The following NELL1 variants were observed in gnomAD, a reference collection of about 807,000 sequenced individuals.
The protein encoded by NELL1 is protein kinase C-binding protein NELL1.
Under a neutral mutation model 107.4 loss-of-function variants are expected in NELL1, and 76 were observed. The observed-to-expected ratio is 0.71, with a 90% CI of 0.59 to 0.86. NELL1 has a LOEUF of 0.86. Among genes scored for constraint, NELL1 ranks in the 40% least tolerant of loss-of-function variants. The pLI is 0.00. For missense variants in NELL1, 1,024 were observed against 1,005.5 expected (o/e 1.02, Z -0.25); for synonymous variants, 353 against 341.2 (o/e 1.03, Z -0.38).
Position 21,534,477 on chromosome 11 carries a change from C to T in NELL1, c.1749C>T (p.Asp583=), listed in dbSNP as rs758011669. 20 of 1,613,712 alleles carry T rather than the reference C, an allele frequency of 1.2e-5. No individual in the cohort carries two copies. In the South Asian group the frequency reaches 1.6e-4, roughly 13 times the overall value. The change falls in exon 16 of 20, where the codon GAC becomes GAT. Residue 583 remains aspartate, a synonymous_variant. Transcript: ENST00000357134. ...YHCECRSGFH[D]DGTYSLSGES... ...GTGAGTGCAGAAGCGGTTTCCATGA[C>T]GATGGGACCTATTCACTGTCCGGGG...
At chr11:21,147,992 G>C (rs894876041) in intron 13 of NELL1, among the ~76,000 whole-genome samples, 1 of 152,042 alleles carries the variant, frequency 6.6e-6, no homozygotes, top group Admixed American at 6.6e-5. Flanking sequence ...TCAAGTTAAG[G>C]CCTCTACTGA....
chr11:21,094,963 A>G (rs1590630369), intron 12 of NELL1, among the ~76,000 whole-genome samples: 1 of 152,340 alleles, frequency 6.6e-6, no homozygotes, highest in Middle Eastern at 3.4e-3. Flanking sequence ...TTCTCTTCAG[A>G]AAATGGGTTT....
chr11:21,418,979 T>C (rs1590917744), intron 15 of NELL1, among the ~76,000 whole-genome samples: 1 of 152,042 alleles, frequency 6.6e-6, no homozygotes, highest in Non-Finnish European at 1.5e-5. Context: ...AGCCTAAAAT[T>C]ATCGATGCAT....
At chr11:20,717,005 A>G (rs189365690) in intron 2 of NELL1, among the ~76,000 whole-genome samples, 19 of 152,330 alleles carry the variant, frequency 1.2e-4, no homozygotes, top group Non-Finnish European at 2.4e-4. Context: ...ACTACTGCAT[A>G]ATACCACAAT....
At chr11:21,259,493 T>C (rs770133027) in intron 14 of NELL1, among the ~76,000 whole-genome samples, 1 of 151,816 alleles carries the variant, frequency 6.6e-6, no homozygotes, top group Non-Finnish European at 1.5e-5. Flanking sequence ...CAGGATATCA[T>C]GTGATGGTGC....
At chr11:20,829,451 T>A (rs1344981154) in intron 3 of NELL1, among the ~76,000 whole-genome samples, 1 of 151,968 alleles carries the variant, frequency 6.6e-6, no homozygotes, top group Non-Finnish European at 1.5e-5. Flanking sequence ...TGGTCTCCAA[T>A]GCCTGACCTC....
intron 14 of NELL1, among the ~76,000 whole-genome samples, chr11:21,258,568 G>T (rs1235300503): frequency 1.3e-5 from 2 of 151,856 alleles, no homozygotes; most frequent in Non-Finnish European, 2.9e-5. Context: ...TTTCTTATTT[G>T]TAGGAAGGTT....
intron 4 of NELL1, among the ~76,000 whole-genome samples, chr11:20,864,461 T>G (rs1372228818): frequency 6.6e-6 from 1 of 152,236 alleles, no homozygotes; most frequent in Non-Finnish European, 1.5e-5. Flanking sequence ...CTCCTTATCA[T>G]TTTGATACAT....
chr11:21,080,503 A>G (rs754293962), intron 12 of NELL1, among the ~76,000 whole-genome samples: 1 of 152,142 alleles, frequency 6.6e-6, no homozygotes, highest in Non-Finnish European at 1.5e-5. Context: ...TGTGTGCAAC[A>G]TATAGAATCA....
At chr11:21,211,916 C>T (rs764114508) in intron 13 of NELL1, among the ~76,000 whole-genome samples, 1 of 152,080 alleles carries the variant, frequency 6.6e-6, no homozygotes, top group Non-Finnish European at 1.5e-5. Flanking sequence ...ACCTCTGCCT[C>T]CTGGGTTCAA....
chr11:20,742,187 G>T (rs1855907017), intron 2 of NELL1, among the ~76,000 whole-genome samples: 1 of 152,208 alleles, frequency 6.6e-6, no homozygotes, highest in South Asian at 2.1e-4. Context: ...CTAGGCATCA[G>T]CCAGGCTCTT....
At chr11:21,104,763 T>G (rs1434901733) in intron 12 of NELL1, among the ~76,000 whole-genome samples, 1 of 152,166 alleles carries the variant, frequency 6.6e-6, no homozygotes, top group Non-Finnish European at 1.5e-5. Flanking sequence ...ATTAGTCAGC[T>G]CAAGCTGCCA....
chr11:21,170,046 T>A, intron 13 of NELL1: 1 of 1,154,144 alleles, frequency 8.7e-7, no homozygotes. Context: ...ACAGACCACA[T>A]CCCTGAGCCT....
intron 2 of NELL1, among the ~76,000 whole-genome samples, chr11:20,679,003 T>C (rs549634861): frequency 1.3e-5 from 2 of 152,220 alleles, no homozygotes; most frequent in South Asian, 4.1e-4. Flanking sequence ...TATATAAAGG[T>C]AAGGCAAAAG....
chr11:21,303,286 T>C (rs1849537878), intron 14 of NELL1, among the ~76,000 whole-genome samples: 1 of 152,102 alleles, frequency 6.6e-6, no homozygotes, highest in Admixed American at 6.6e-5. Flanking sequence ...ATAAAATGTA[T>C]ACTTTAAGAT....
chr11:21,130,984 T>C (rs541905150), intron 13 of NELL1, among the ~76,000 whole-genome samples: 1 of 152,306 alleles, frequency 6.6e-6, no homozygotes, highest in South Asian at 2.1e-4. Context: ...TATCTGAGGA[T>C]ATTTTATGAC....
chr11:20,952,087 T>C lies in NELL1; in HGVS notation c.1171+4652T>C, dbSNP rs115727939. ...AAAAAAATGTCAACAATATTGACCA[T>C]GTATTCTCAGGACCACTCCAGGAAA... On this transcript the variant is annotated intron_variant, in intron 11 of 19. Coordinates refer to ENST00000357134, the MANE Select transcript of NELL1 (RefSeq NM_006157.5). 4.6e-3 allele frequency among the ~76,000 whole-genome samples: 706 copies of C among 151,904 alleles called. 3 individuals are homozygous for C. Among genetic ancestry groups the C allele is most frequent in the African/African-American group, 0.016 (668 of 41,448 alleles).
intron 2 of NELL1, among the ~76,000 whole-genome samples, chr11:20,772,712 A>ACAGC (rs1856664921): frequency 6.6e-6 from 1 of 152,178 alleles, no homozygotes; most frequent in African/African-American, 2.4e-5. Context: ...ACAGCTACCT[A>ACAGC]AGGTCTTACA....
At chr11:21,190,187 G>A (rs762469909) in intron 13 of NELL1, among the ~76,000 whole-genome samples, 8 of 151,666 alleles carry the variant, frequency 5.3e-5, no homozygotes, top group Non-Finnish European at 1.0e-4. Flanking sequence ...ATCCTGTCTC[G>A]TCTAAAATAC....
Sources: allele counts gnomAD v4.1 joint callset (sites outside exome capture counted in the v4.1 genomes callset), GRCh38; gene constraint gnomAD v4.1.1; transcripts MANE v1.5; gene names NCBI Gene and HGNC (gene_info 2026-07-23, HGNC 2026-07-21).